Variants in EIF2B3 observed in about 807,000 individuals in gnomAD.
EIF2B3 encodes the protein eukaryotic translation initiation factor 2B subunit gamma, also known as translation initiation factor eIF2B subunit gamma.
Under a neutral mutation model 54.1 loss-of-function variants are expected in EIF2B3, and 20 were observed. The ratio of observed to expected loss-of-function variants is 0.37; its 90% confidence interval spans 0.26 to 0.54. The LOEUF (loss-of-function observed/expected upper bound fraction) is 0.54, where lower values mean the gene tolerates loss of function less well. Ranked by LOEUF, EIF2B3 falls within the 20% of genes least tolerant of loss-of-function variation. The pLI, the probability that EIF2B3 is intolerant of heterozygous loss-of-function variation, is 0.86. For synonymous variants in EIF2B3, 153 were observed against 188.1 expected (o/e 0.81, Z 1.52); for missense variants, 448 against 547.8 (o/e 0.82, Z 1.82).
At chr1:44,927,416 T>C (rs184664891) in intron 4 of EIF2B3, among the ~76,000 whole-genome samples, 1 of 152,120 alleles carries the variant, frequency 6.6e-6, no homozygotes, top group Admixed American at 6.6e-5. Flanking sequence ...GCCATACACC[T>C]TTAAATGAGA....
intron 1 of EIF2B3, among the ~76,000 whole-genome samples, chr1:44,983,030 A>G (rs1027523668): frequency 9.2e-5 from 14 of 152,174 alleles, no homozygotes; most frequent in East Asian, 1.9e-4. Context: ...TTGGCCTCCC[A>G]AAGTGCTGGG....
chr1:44,910,189 T>A (rs911062265), intron 5 of EIF2B3, among the ~76,000 whole-genome samples: 1 of 152,314 alleles, frequency 6.6e-6, no homozygotes, highest in Middle Eastern at 3.4e-3. Context: ...AAAACATATG[T>A]CTGTCAGAAA....
At chr1:44,870,268 T>C (rs564133026) in intron 10 of EIF2B3, among the ~76,000 whole-genome samples, 1 of 152,194 alleles carries the variant, frequency 6.6e-6, no homozygotes, top group African/African-American at 2.4e-5. Flanking sequence ...CTGACCTCTT[T>C]TCCTAAGCTC....
intron 5 of EIF2B3, among the ~76,000 whole-genome samples, chr1:44,909,039 T>G (rs1004032772): frequency 1.3e-5 from 2 of 152,168 alleles, no homozygotes; most frequent in African/African-American, 4.8e-5. Flanking sequence ...CATGAATTTA[T>G]AGTGCTGCCA....
At chr1:44,923,312 G>C (rs879783495) in intron 5 of EIF2B3, among the ~76,000 whole-genome samples, 14 of 152,280 alleles carry the variant, frequency 9.2e-5, no homozygotes, top group African/African-American at 2.9e-4. Context: ...TCTCAAAATA[G>C]ATGCATGGAA....
At chr1:44,855,947 G>A (rs1330039596) in intron 11 of EIF2B3, among the ~76,000 whole-genome samples, 1 of 152,138 alleles carries the variant, frequency 6.6e-6, no homozygotes, top group Admixed American at 6.5e-5. Context: ...CAAAGCTCAA[G>A]GACACAGTGG....
At chr1:44,968,726 G>A (rs1022623897) in intron 3 of EIF2B3, among the ~76,000 whole-genome samples, 15 of 151,890 alleles carry the variant, frequency 9.9e-5, no homozygotes, top group South Asian at 4.2e-4. Context: ...GTGAAGCCCC[G>A]TCTCTACTAA....
At chr1:44,861,444 G>A (rs1268380343) in intron 10 of EIF2B3, among the ~76,000 whole-genome samples, 1 of 152,114 alleles carries the variant, frequency 6.6e-6, no homozygotes, top group Non-Finnish European at 1.5e-5. Flanking sequence ...TAGGCAAGAG[G>A]TAAACATAGT....
chr1:44,981,184 G>T lies in EIF2B3; in HGVS notation c.-9-7C>A, dbSNP rs1279077009. On this transcript the variant is annotated splice_region_variant and splice_polypyrimidine_tract_variant and intron_variant, in intron 1 of 11. Transcript: ENST00000360403. ...GAAATTCCATTTTTACAAACTGCAA[G>T]TACAGAAAAAACAATTAACAGAAAA... The T allele has an allele frequency of 1.2e-6, 2 of 1,611,812 alleles. No individual in the cohort carries two copies. The highest frequency in any genetic ancestry group is 1.7e-6 in the Non-Finnish European group (2 of 1,179,680).
chr1:44,874,894 C>T, intron 9 of EIF2B3, 68 bp from the exon 10 acceptor site: 1 of 1,593,616 alleles, frequency 6.3e-7, no homozygotes, highest in Non-Finnish European at 8.6e-7. Context: ...CTCCAGATCC[C>T]TCAAGCTGGG....
intron 10 of EIF2B3, among the ~76,000 whole-genome samples, chr1:44,860,386 G>T (rs1278580731): frequency 6.6e-6 from 1 of 152,138 alleles, no homozygotes; most frequent in Non-Finnish European, 1.5e-5. Flanking sequence ...CACCCTCAGT[G>T]TCCTGGCCCC....
At chr1:44,950,658 C>T (rs1398086326) in intron 3 of EIF2B3, among the ~76,000 whole-genome samples, 1 of 151,992 alleles carries the variant, frequency 6.6e-6, no homozygotes, top group Non-Finnish European at 1.5e-5. Context: ...ATGATATATA[C>T]ATATAACTTC....
At chr1:44,975,521 G>A (rs1644444597) in intron 3 of EIF2B3, among the ~76,000 whole-genome samples, 1 of 152,168 alleles carries the variant, frequency 6.6e-6, no homozygotes, top group African/African-American at 2.4e-5. Context: ...GTAAGTATTT[G>A]TGTATTTAAA....
At position 44,955,601 on chromosome 1, in the gene EIF2B3, T is replaced by C. The variant is rs150889404; in HGVS notation, c.295-13936A>G. Among the ~76,000 whole-genome samples, 754 of 152,080 alleles carry C rather than the reference T, an allele frequency of 5.0e-3. 4 individuals are homozygous for C. Among genetic ancestry groups the C allele is most frequent in the East Asian group, 7.9e-3 (41 of 5,168 alleles). ...GCAACCTACAGAATGGGAGAAAATT[T>C]TGCAATCTATCCATCTGACAAAAAG... On this transcript the variant is annotated intron_variant, in intron 3 of 11. Transcript: ENST00000360403.
At chr1:44,964,004 T>C (rs142274208) in intron 3 of EIF2B3, among the ~76,000 whole-genome samples, 1 of 151,920 alleles carries the variant, frequency 6.6e-6, no homozygotes, top group Non-Finnish European at 1.5e-5. Flanking sequence ...ATCCCACAGA[T>C]CAGAGTTCCA....
chr1:44,878,909 C>T (rs914518040), intron 8 of EIF2B3, among the ~76,000 whole-genome samples: 2 of 151,960 alleles, frequency 1.3e-5, no homozygotes, highest in Non-Finnish European at 2.9e-5. Flanking sequence ...CAGCCACATG[C>T]CACCATACCT....
rs372497598 is a variant in EIF2B3 at position 44,982,586 on chromosome 1, C to T, written c.-9-1409G>A. ...GTGCTGGGATTACAGGTGTGAGCCA[C>T]GTGCCCATCCTATTTATTTATTGTT... On this transcript the variant is annotated intron_variant, in intron 1 of 11. Coordinates refer to ENST00000360403, the MANE Select transcript of EIF2B3 (RefSeq NM_020365.5). Among the ~76,000 whole-genome samples the T allele has an allele frequency of 3.9e-5, 6 of 152,118 alleles. No homozygotes were observed. The East Asian group carries it at 5.8e-4, about 15-fold the overall frequency.
At chr1:44,942,878 CAG>C (rs1418360266) in intron 3 of EIF2B3, among the ~76,000 whole-genome samples, 1 of 151,744 alleles carries the variant, frequency 6.6e-6, no homozygotes, top group African/African-American at 2.4e-5. Context: ...TTTTTTGAGA[CAG>C]AGTCTCCCTC....
chr1:44,913,427 A>AG (rs1183525658), intron 5 of EIF2B3, among the ~76,000 whole-genome samples: 1 of 152,020 alleles, frequency 6.6e-6, no homozygotes, highest in Admixed American at 6.6e-5. Context: ...TTCTTTATGG[A>AG]GAAAAAAAAG....
Sources: allele counts gnomAD v4.1 joint callset (sites outside exome capture counted in the v4.1 genomes callset), GRCh38; gene constraint gnomAD v4.1.1; transcripts MANE v1.5; gene names NCBI Gene and HGNC (gene_info 2026-07-23, HGNC 2026-07-21).